The following CREB5 variants were observed in gnomAD, a reference collection of about 807,000 sequenced individuals.
The protein encoded by CREB5 is cyclic AMP-responsive element-binding protein 5.
Under a neutral mutation model 57.1 loss-of-function variants are expected in CREB5, and 19 were observed. That is an observed-to-expected ratio of 0.33 (90% CI 0.23 to 0.49). CREB5 has a LOEUF of 0.49. CREB5 is among the 20% of genes least tolerant of loss of function. The pLI, the probability that CREB5 is intolerant of heterozygous loss-of-function variation, is 0.99. For synonymous variants in CREB5, 238 were observed against 238.3 expected (o/e 1.00, Z 0.01); for missense variants, 579 against 671.6 (o/e 0.86, Z 1.52).
chr7:28,386,287 C>G (rs570591382), intron 1 of CREB5, among the ~76,000 whole-genome samples: 1 of 151,936 alleles, frequency 6.6e-6, no homozygotes, highest in Non-Finnish European at 1.5e-5. Context: ...TGTATTTTAC[C>G]CTAATACATT....
intron 5 of CREB5, among the ~76,000 whole-genome samples, chr7:28,582,285 A>C (rs956652796): frequency 6.6e-6 from 1 of 152,188 alleles, no homozygotes; most frequent in African/African-American, 2.4e-5. Context: ...GGGGTAGAGA[A>C]AGGCCAAGGG....
intron 2 of CREB5, among the ~76,000 whole-genome samples, chr7:28,489,516 T>C (rs566218742): frequency 6.6e-6 from 1 of 152,170 alleles, no homozygotes; most frequent in African/African-American, 2.4e-5. Context: ...TTAGCCAGTA[T>C]GGTCTCGATC....
intron 1 of CREB5, among the ~76,000 whole-genome samples, chr7:28,367,589 C>T (rs1443934410): frequency 6.6e-6 from 1 of 152,142 alleles, no homozygotes; most frequent in Non-Finnish European, 1.5e-5. Context: ...GCGGGTGGAT[C>T]ACGAGGTCAG....
intron 1 of CREB5, among the ~76,000 whole-genome samples, chr7:28,458,093 C>G (rs1023866970): frequency 1.3e-5 from 2 of 152,080 alleles, no homozygotes; most frequent in Admixed American, 1.3e-4. Flanking sequence ...AAACGGGGGG[C>G]CAAGACAGAA....
intron 5 of CREB5, among the ~76,000 whole-genome samples, chr7:28,666,985 T>C (rs1799852143): frequency 6.6e-6 from 1 of 151,418 alleles, no homozygotes; most frequent in Non-Finnish European, 1.5e-5. Context: ...TTGATTATAG[T>C]GGAGCTTGCT....
chr7:28,439,486 T>C (rs751075349), intron 1 of CREB5, among the ~76,000 whole-genome samples: 3 of 152,166 alleles, frequency 2.0e-5, no homozygotes, highest in Non-Finnish European at 2.9e-5. Flanking sequence ...GTTAAGACAA[T>C]AGCACTTATT....
chr7:28,617,620 A>T (rs551742410), intron 5 of CREB5, among the ~76,000 whole-genome samples: 1 of 152,334 alleles, frequency 6.6e-6, no homozygotes, highest in African/African-American at 2.4e-5. Context: ...TCCCTTCTTC[A>T]CAGTTTCACC....
At chr7:28,629,757 T>C (rs559859053) in intron 5 of CREB5, among the ~76,000 whole-genome samples, 1 of 152,310 alleles carries the variant, frequency 6.6e-6, no homozygotes, top group African/African-American at 2.4e-5. Context: ...TCTATTAAAT[T>C]GTAAAAGTTA....
intron 7 of CREB5, among the ~76,000 whole-genome samples, chr7:28,776,302 C>A (rs1441410502): frequency 6.7e-6 from 1 of 148,254 alleles, no homozygotes; most frequent in Non-Finnish European, 1.5e-5. Flanking sequence ...AGCGCCACTG[C>A]ACTCCCGCCT....
chr7:28,539,646 T>G (rs1311309184), intron 4 of CREB5, among the ~76,000 whole-genome samples: 1 of 152,232 alleles, frequency 6.6e-6, no homozygotes, highest in Admixed American at 6.5e-5. Flanking sequence ...TTTGGACTCC[T>G]ACAGCCTTCA....
At chr7:28,307,098 G>A (rs549671995) in intron 1 of CREB5, among the ~76,000 whole-genome samples, 3 of 152,252 alleles carry the variant, frequency 2.0e-5, no homozygotes, top group South Asian at 2.1e-4. Flanking sequence ...ACTCTCAGCC[G>A]ATAAAGAGAT....
intron 4 of CREB5, among the ~76,000 whole-genome samples, chr7:28,563,846 A>G (rs1405948303): frequency 3.9e-5 from 6 of 152,082 alleles, no homozygotes; most frequent in Non-Finnish European, 8.8e-5. Flanking sequence ...AGTGCTGCGG[A>G]GAATGCTAGG....
chr7:28,391,015 G>A (rs1023189250), intron 1 of CREB5, among the ~76,000 whole-genome samples: 1 of 152,018 alleles, frequency 6.6e-6, no homozygotes, highest in Admixed American at 6.6e-5. Context: ...GAATTTTCAA[G>A]TCTTTGTTGA....
intron 7 of CREB5, among the ~76,000 whole-genome samples, chr7:28,744,978 C>A (rs1015798999): frequency 5.3e-5 from 8 of 152,176 alleles, no homozygotes; most frequent in African/African-American, 1.9e-4. Context: ...ATTTATGAAG[C>A]TGAAAGCAGG....
chr7:28,595,727 G>T (rs1796671226), intron 5 of CREB5, among the ~76,000 whole-genome samples: 1 of 152,182 alleles, frequency 6.6e-6, no homozygotes, highest in Non-Finnish European at 1.5e-5. Context: ...AAATGGGTCT[G>T]GCTTATGGCT....
intron 7 of CREB5, among the ~76,000 whole-genome samples, chr7:28,744,549 T>C (rs1264702598): frequency 6.6e-6 from 1 of 151,996 alleles, no homozygotes; most frequent in Non-Finnish European, 1.5e-5. Flanking sequence ...GGTTTCACCA[T>C]GTTGGCCAGG....
At chr7:28,636,512 G>T (rs963148050) in intron 5 of CREB5, among the ~76,000 whole-genome samples, 15 of 152,040 alleles carry the variant, frequency 9.9e-5, no homozygotes, top group African/African-American at 3.6e-4. Context: ...ACTTACTTCT[G>T]CTATGAAAAA....
At chr7:28,462,758 G>A (rs1464175667) in intron 1 of CREB5, among the ~76,000 whole-genome samples, 2 of 151,870 alleles carry the variant, frequency 1.3e-5, no homozygotes, top group African/African-American at 4.8e-5. Flanking sequence ...TTTTAATTAG[G>A]TTATTTGCTT....
At position 28,805,364 on chromosome 7, in the gene CREB5, TG is replaced by T. The variant is rs1322495015; in HGVS notation, c.1026+845del. Among the ~76,000 whole-genome samples the T allele has an allele frequency of 9.9e-5, 15 of 152,278 alleles. No individual in the cohort carries two copies. In the East Asian group the frequency reaches 2.7e-3, roughly 27 times the overall value. ...TGAAGGGCATGTCCAGGAGCATGGC[TG>T]GGCCTAGACACTTTGGATCCTCAAG... On this transcript the variant is annotated intron_variant, in intron 8 of 10. Coordinates refer to ENST00000357727, the MANE Select transcript of CREB5 (RefSeq NM_182898.4).
Sources: gnomAD v4.1 joint callset for allele counts (sites outside exome capture counted in the v4.1 genomes callset) on GRCh38, gnomAD v4.1.1 for gene constraint, MANE v1.5 for transcripts, NCBI Gene and HGNC (gene_info 2026-07-23, HGNC 2026-07-21) for gene names.